The following RAP1GAP2 variants were observed in gnomAD, a reference collection of about 807,000 sequenced individuals.
The protein encoded by RAP1GAP2 is rap1 GTPase-activating protein 2.
RAP1GAP2 carries 27 observed loss-of-function variants against 95.0 expected under a neutral mutation model. The ratio of observed to expected loss-of-function variants is 0.28; its 90% CI spans 0.21 to 0.39. RAP1GAP2 has a LOEUF of 0.39. Ranked by LOEUF, RAP1GAP2 falls within the 10% of genes least tolerant of loss-of-function variation. RAP1GAP2 has a pLI of 1.00. For synonymous variants in RAP1GAP2, 373 were observed against 380.9 expected (o/e 0.98, Z 0.24); for missense variants, 771 against 970.0 (o/e 0.79, Z 2.72).
At chr17:2,814,612 C>G (rs987415074) in intron 2 of RAP1GAP2, among the ~76,000 whole-genome samples, 7 of 152,100 alleles carry the variant, frequency 4.6e-5, no homozygotes, top group Admixed American at 3.9e-4. Flanking sequence ...GGTCTGAGAC[C>G]GTGGGAGCCT....
chr17:2,882,472 A>G (rs1250713796), intron 2 of RAP1GAP2, among the ~76,000 whole-genome samples: 3 of 151,494 alleles, frequency 2.0e-5, no homozygotes, highest in Non-Finnish European at 2.9e-5. Context: ...TTGCATTTTT[A>G]GTAGAGACGG....
At chr17:2,953,203 C>CT (rs71153315) in intron 3 of RAP1GAP2, among the ~76,000 whole-genome samples, 2,436 of 146,550 alleles carry the variant, frequency 0.017, 34 homozygotes, top group South Asian at 0.028. Context: ...TATACAGTAT[C>CT]TTTTTTTTTT....
chr17:2,925,556 C>A (rs891674764), intron 3 of RAP1GAP2, among the ~76,000 whole-genome samples: 1 of 152,120 alleles, frequency 6.6e-6, no homozygotes, highest in East Asian at 1.9e-4. Flanking sequence ...GATTACAGTT[C>A]GAGATGAGAT....
At chr17:2,928,233 A>G (rs1284832010) in intron 3 of RAP1GAP2, among the ~76,000 whole-genome samples, 1 of 152,208 alleles carries the variant, frequency 6.6e-6, no homozygotes, top group African/African-American at 2.4e-5. Flanking sequence ...CCTCCTGTCT[A>G]ACCGGAATCT....
chr17:2,760,598 C>T (rs1309248335), intron 1 of RAP1GAP2, among the ~76,000 whole-genome samples: 2 of 151,432 alleles, frequency 1.3e-5, no homozygotes, highest in Non-Finnish European at 3.0e-5. Flanking sequence ...ACCTTGGCCT[C>T]CCAGAGTGCT....
At chr17:2,816,157 G>A (rs568369145) in intron 2 of RAP1GAP2, among the ~76,000 whole-genome samples, 5 of 152,138 alleles carry the variant, frequency 3.3e-5, no homozygotes, top group African/African-American at 7.2e-5. Context: ...GAAGAGGCCC[G>A]AGCCGGCTCC....
At chr17:2,765,750 A>G (rs1299198774) in intron 1 of RAP1GAP2, among the ~76,000 whole-genome samples, 2 of 151,438 alleles carry the variant, frequency 1.3e-5, no homozygotes, top group African/African-American at 4.9e-5. Context: ...CTCAAAAAAA[A>G]AAAAGAGTTT....
chr17:2,845,401 C>G (rs559719599), intron 2 of RAP1GAP2, among the ~76,000 whole-genome samples: 1 of 152,182 alleles, frequency 6.6e-6, no homozygotes, highest in Admixed American at 6.5e-5. Flanking sequence ...CCTTGGCCTC[C>G]CAAAGTGCTG....
At chr17:2,864,298 C>T (rs959629793) in intron 2 of RAP1GAP2, among the ~76,000 whole-genome samples, 2 of 152,228 alleles carry the variant, frequency 1.3e-5, no homozygotes, top group African/African-American at 4.8e-5. Context: ...AGCAGAGAAG[C>T]AAAGCCCTGT....
chr17:3,013,511 C>T (rs534501500), intron 17 of RAP1GAP2, among the ~76,000 whole-genome samples: 3 of 152,138 alleles, frequency 2.0e-5, no homozygotes, highest in African/African-American at 7.2e-5. Context: ...ACTCCTCACA[C>T]TTACCCAGCC....
chr17:2,809,166 G>T (rs1318522586), intron 2 of RAP1GAP2, among the ~76,000 whole-genome samples: 1 of 152,200 alleles, frequency 6.6e-6, no homozygotes. Context: ...GTGAGTCCCT[G>T]TTCTGGTTTC....
intron 2 of RAP1GAP2, among the ~76,000 whole-genome samples, chr17:2,878,974 C>T (rs1338146291): frequency 6.6e-6 from 1 of 152,174 alleles, no homozygotes; most frequent in East Asian, 1.9e-4. Context: ...CATGCTGAGC[C>T]CGGAGGCCGG....
chr17:2,998,699 T>C (rs907626158), intron 14 of RAP1GAP2, among the ~76,000 whole-genome samples: 4 of 150,600 alleles, frequency 2.7e-5, no homozygotes, highest in Non-Finnish European at 5.9e-5. Context: ...GAGTGTAGTA[T>C]TTGGAATTTG....
At chr17:2,878,691 T>A (rs944826487) in intron 2 of RAP1GAP2, among the ~76,000 whole-genome samples, 2 of 152,160 alleles carry the variant, frequency 1.3e-5, no homozygotes, top group African/African-American at 4.8e-5. Context: ...TGTGGGCCCA[T>A]GAGGGAAGCC....
At chr17:3,001,781 G>A (rs2046168394) in intron 14 of RAP1GAP2, among the ~76,000 whole-genome samples, 2 of 152,226 alleles carry the variant, frequency 1.3e-5, no homozygotes, top group South Asian at 4.1e-4. Flanking sequence ...GCAGAACGAG[G>A]CCTCCTGTAG....
chr17:2,900,497 C>A (rs79984903), intron 2 of RAP1GAP2, among the ~76,000 whole-genome samples: 11,419 of 151,938 alleles, frequency 0.075, 505 homozygotes, highest in African/African-American at 0.13. Context: ...GCTGGAGTGC[C>A]ATGGTGAGAT....
chr17:2,986,947 G>T (rs1015576093), intron 11 of RAP1GAP2, among the ~76,000 whole-genome samples: 3 of 152,180 alleles, frequency 2.0e-5, no homozygotes, highest in Admixed American at 6.5e-5. Context: ...GAGTTGTGAC[G>T]CCTTCATGGC....
intron 2 of RAP1GAP2, among the ~76,000 whole-genome samples, chr17:2,838,739 C>T (rs993360708): frequency 4.6e-5 from 7 of 152,086 alleles, no homozygotes; most frequent in African/African-American, 7.2e-5. Flanking sequence ...CAGCATTCCC[C>T]GAAACTGATC....
At chr17:2,985,567 T>C (rs1184906470) in intron 11 of RAP1GAP2, among the ~76,000 whole-genome samples, 2 of 152,228 alleles carry the variant, frequency 1.3e-5, no homozygotes, top group Non-Finnish European at 2.9e-5. Context: ...TATGGAAATT[T>C]GCAAACACCA....
Sources: allele counts gnomAD v4.1 joint callset (sites outside exome capture counted in the v4.1 genomes callset), GRCh38; gene constraint gnomAD v4.1.1; transcripts MANE v1.5; gene names NCBI Gene and HGNC (gene_info 2026-07-23, HGNC 2026-07-21).